Variants in TRDN observed in about 807,000 individuals in gnomAD.
TRDN encodes the protein triadin in skeletal muscle.
TRDN carries 161 observed loss-of-function variants against 149.7 expected under a neutral mutation model. That is an observed-to-expected ratio of 1.08 (90% CI 0.95 to 1.23). The LOEUF is 1.23. Ranked by LOEUF, TRDN falls within the 50% of genes most tolerant of loss-of-function variation. The pLI is 0.00. For synonymous variants in TRDN, 294 were observed against 250.5 expected (o/e 1.17, Z -1.64); for missense variants, 896 against 823.5 (o/e 1.09, Z -1.08).
intron 9 of TRDN, among the ~76,000 whole-genome samples, chr6:123,485,841 A>G (rs1777949571): frequency 6.6e-6 from 1 of 152,104 alleles, no homozygotes; most frequent in Admixed American, 6.6e-5. Context: ...TCTTTTTATG[A>G]CACTAATTAT....
At position 123,506,735 on chromosome 6, in the gene TRDN, C is replaced by T. The variant is rs193179975; in HGVS notation, c.611-2834G>A. Among the ~76,000 whole-genome samples, 323 of 152,112 alleles carry T rather than the reference C, an allele frequency of 2.1e-3. 10 individuals carry two copies. The South Asian group carries it at 0.057, about 27-fold the overall frequency. On this transcript the variant is annotated intron_variant, in intron 7 of 40. Coordinates refer to ENST00000334268, the MANE Select transcript of TRDN (RefSeq NM_006073.4). The stretch of plus-strand genomic sequence containing the variant: ...AACTCCTGACCTCAGGCGATCCACC[C>T]GCCTCGGCCTCCCAAAGTGCTGGGA...
chr6:123,592,117 G>A (rs545345006), intron 1 of TRDN, among the ~76,000 whole-genome samples: 16 of 152,258 alleles, frequency 1.1e-4, no homozygotes, highest in African/African-American at 3.4e-4. Context: ...ACCTAAGATG[G>A]GGGTCTTAAA....
intron 14 of TRDN, among the ~76,000 whole-genome samples, chr6:123,384,449 T>C (rs1781833280): frequency 6.6e-6 from 1 of 152,120 alleles, no homozygotes; most frequent in Admixed American, 6.5e-5. Context: ...AGGAATAAAT[T>C]CAACCTAAAG....
chr6:123,296,968 AG>A (rs1343263904), intron 24 of TRDN, among the ~76,000 whole-genome samples: 3 of 152,142 alleles, frequency 2.0e-5, no homozygotes, highest in African/African-American at 7.2e-5. Flanking sequence ...CTGATAGATA[AG>A]AAGTAGAAAT....
At chr6:123,332,189 A>G (rs543649177) in intron 22 of TRDN, among the ~76,000 whole-genome samples, 59 of 152,208 alleles carry the variant, frequency 3.9e-4, no homozygotes, top group African/African-American at 1.4e-3. Flanking sequence ...GAGAATGAGT[A>G]TTTGGATGGA....
intron 1 of TRDN, among the ~76,000 whole-genome samples, chr6:123,584,940 G>A (rs983554738): frequency 1.3e-5 from 2 of 152,110 alleles, no homozygotes; most frequent in African/African-American, 4.8e-5. Context: ...TAAAATGGGG[G>A]AATTGTAAGG....
At chr6:123,558,266 A>G (rs1323669059) in intron 2 of TRDN, among the ~76,000 whole-genome samples, 1 of 151,550 alleles carries the variant, frequency 6.6e-6, no homozygotes, top group East Asian at 1.9e-4. Context: ...TACAGACCCA[A>G]TGACCTCTCC....
chr6:123,433,820 T>C (rs998552288), intron 12 of TRDN: 1 of 152,176 alleles, frequency 6.6e-6, no homozygotes, highest in African/African-American at 2.4e-5. Flanking sequence ...GAGCAATGGG[T>C]CATCTTAGCT....
intron 35 of TRDN, among the ~76,000 whole-genome samples, chr6:123,256,948 T>G (rs1012416495): frequency 1.3e-5 from 2 of 151,240 alleles, no homozygotes; most frequent in African/African-American, 4.9e-5. Flanking sequence ...TTTTATGGTT[T>G]TAGGTCTCAC....
At chr6:123,529,000 T>G (rs932994009) in intron 5 of TRDN, 1 of 1,307,480 alleles carries the variant, frequency 7.6e-7, no homozygotes, top group Admixed American at 3.2e-5. Context: ...ACTGTCTTAA[T>G]TATGGAAGAC....
At chr6:123,609,329 C>T (rs1207017731) in intron 1 of TRDN, among the ~76,000 whole-genome samples, 1 of 151,930 alleles carries the variant, frequency 6.6e-6, no homozygotes, top group Non-Finnish European at 1.5e-5. Flanking sequence ...TATTAGAGAA[C>T]TCATCATAAA....
At chr6:123,551,313 C>T (rs1562382103) in intron 2 of TRDN, among the ~76,000 whole-genome samples, 1 of 145,680 alleles carries the variant, frequency 6.9e-6, no homozygotes, top group Non-Finnish European at 1.5e-5. Context: ...GATTTTCAGC[C>T]ATGTGGACCA....
intron 1 of TRDN, among the ~76,000 whole-genome samples, chr6:123,615,163 A>T (rs545363090): frequency 4.6e-5 from 7 of 152,328 alleles, no homozygotes; most frequent in Non-Finnish European, 8.8e-5. Context: ...AATAATGGCA[A>T]GGACATGGAG....
At chr6:123,335,880 C>G (rs533755913) in intron 22 of TRDN, among the ~76,000 whole-genome samples, 171 of 152,062 alleles carry the variant, frequency 1.1e-3, no homozygotes, top group African/African-American at 3.8e-3. Flanking sequence ...GTATGTATAT[C>G]TTTTCCTGAT....
intron 2 of TRDN, among the ~76,000 whole-genome samples, chr6:123,557,382 C>T (rs1321977331): frequency 1.3e-5 from 2 of 152,150 alleles, no homozygotes; most frequent in East Asian, 3.9e-4. Flanking sequence ...CTAACCAGCC[C>T]AAGGAACACC....
chr6:123,626,717 C>T (rs80299548), intron 1 of TRDN, among the ~76,000 whole-genome samples: 3,189 of 151,562 alleles, frequency 0.021, 120 homozygotes, highest in East Asian at 0.17. Context: ...GTTCAATTCC[C>T]CATGTACCCT....
At chr6:123,417,278 T>C (rs1050422039) in intron 12 of TRDN, among the ~76,000 whole-genome samples, 1 of 152,078 alleles carries the variant, frequency 6.6e-6, no homozygotes, top group Non-Finnish European at 1.5e-5. Flanking sequence ...ACCTTTCAGA[T>C]TCAGGTATTA....
At chr6:123,295,225 C>G (rs1409971769) in intron 24 of TRDN, among the ~76,000 whole-genome samples, 1 of 152,116 alleles carries the variant, frequency 6.6e-6, no homozygotes, top group East Asian at 1.9e-4. Flanking sequence ...CTACTCCTCC[C>G]CTAGAAATGT....
chr6:123,516,405 C>G (rs552217755), intron 5 of TRDN, among the ~76,000 whole-genome samples, 199 bp from the exon 6 acceptor site: 1 of 151,976 alleles, frequency 6.6e-6, no homozygotes, highest in Non-Finnish European at 1.5e-5. Flanking sequence ...TATTTCATAT[C>G]CAAGCACAAA....
Sources: gnomAD v4.1 joint callset for allele counts (sites outside exome capture counted in the v4.1 genomes callset) on GRCh38, gnomAD v4.1.1 for gene constraint, MANE v1.5 for transcripts, NCBI Gene and HGNC (gene_info 2026-07-23, HGNC 2026-07-21) for gene names.